The following EYS variants were observed in gnomAD, a reference collection of about 807,000 sequenced individuals.
EYS encodes the protein EGF-like photoreceptor maintenance factor, also known as protein eyes shut homolog.
In EYS, 250 loss-of-function variants were observed where a neutral mutation model predicts 282.1. The ratio of observed to expected loss-of-function variants is 0.89; its 90% CI spans 0.80 to 0.98. The LOEUF is 0.98. EYS is among the 50% of genes least tolerant of loss of function. EYS has a pLI of 0.00. For synonymous variants in EYS, 1,355 were observed against 1,282.9 expected, an observed-to-expected ratio of 1.06 and a Z score of -1.20; for missense variants, 4,016 against 3,709.0, an observed-to-expected ratio of 1.08 and a Z score of -2.15.
intron 12 of EYS, among the ~76,000 whole-genome samples, chr6:65,215,940 A>G (rs1384431680): frequency 6.6e-6 from 1 of 152,212 alleles, no homozygotes; most frequent in Non-Finnish European, 1.5e-5. Flanking sequence ...CTGTGGACTT[A>G]ACAGAATATA....
At chr6:64,070,637 T>C (rs1771540217) in intron 32 of EYS, among the ~76,000 whole-genome samples, 1 of 152,070 alleles carries the variant, frequency 6.6e-6, no homozygotes, top group Admixed American at 6.6e-5. Context: ...GCAACTTGTC[T>C]CAAGGCAACT....
At chr6:64,351,371 T>C (rs1561945923) in intron 29 of EYS, among the ~76,000 whole-genome samples, 1 of 151,416 alleles carries the variant, frequency 6.6e-6, no homozygotes, top group Admixed American at 6.6e-5. Flanking sequence ...TATTCAGAGA[T>C]TCTAGAATTT....
At chr6:65,117,490 G>A (rs1561974690) in intron 12 of EYS, among the ~76,000 whole-genome samples, 1 of 152,036 alleles carries the variant, frequency 6.6e-6, no homozygotes, top group Non-Finnish European at 1.5e-5. Context: ...TTTACAGACT[G>A]CTTCACATTA....
At chr6:64,389,967 C>G (rs1228244152) in intron 28 of EYS, among the ~76,000 whole-genome samples, 2 of 150,740 alleles carry the variant, frequency 1.3e-5, no homozygotes, top group Non-Finnish European at 3.0e-5. Context: ...TTGGGAAGTG[C>G]AAGGGGTCAG....
chr6:65,177,663 G>T (rs1765259861), intron 12 of EYS, among the ~76,000 whole-genome samples: 1 of 151,746 alleles, frequency 6.6e-6, no homozygotes, highest in South Asian at 2.1e-4. Context: ...TGCATTCAGA[G>T]ATGGCTTTAA....
At chr6:64,832,458 T>C (rs922760071) in intron 19 of EYS, among the ~76,000 whole-genome samples, 8 of 151,912 alleles carry the variant, frequency 5.3e-5, no homozygotes, top group African/African-American at 1.9e-4. Flanking sequence ...AGAAAATGCG[T>C]AGTTGTTCAA....
At chr6:63,908,689 T>A (rs1773844283) in intron 35 of EYS, among the ~76,000 whole-genome samples, 1 of 152,120 alleles carries the variant, frequency 6.6e-6, no homozygotes, top group Non-Finnish European at 1.5e-5. Flanking sequence ...GACCTCAGGT[T>A]ATCCGCCCTC....
Position 64,531,551 on chromosome 6 carries a change from TTATTTTATTTTA to T in EYS, c.5644+58660_5644+58671del, listed in dbSNP as rs1285347276. On this transcript the variant is annotated intron_variant, in intron 26 of 42. Coordinates refer to ENST00000503581, the MANE Select transcript of EYS (RefSeq NM_001142800.2). ...GCAAGTGCCCGCCACCACGCCTGGT[TTATTTTATTTTA>T]TTTTATTTTATTTTATTTTATTTTA... 2.6e-4 allele frequency among the ~76,000 whole-genome samples: 6 copies of T among 22,842 alleles called. No individual in the cohort carries two copies. The African/African-American group carries it at 3.1e-3, about 12-fold the overall frequency. 15.0% of individuals were successfully genotyped at this position (22,842 alleles called of 152,430 possible).
At chr6:64,367,203 TA>T (rs1384716874) in intron 29 of EYS, among the ~76,000 whole-genome samples, 3 of 152,074 alleles carry the variant, frequency 2.0e-5, no homozygotes, top group African/African-American at 7.2e-5. Flanking sequence ...ATGAATATAT[TA>T]AGTATGCTTT....
chr6:64,281,400 G>T (rs1468496847), intron 30 of EYS, among the ~76,000 whole-genome samples: 1 of 152,056 alleles, frequency 6.6e-6, no homozygotes, highest in Non-Finnish European at 1.5e-5. Context: ...CATAGTAAAA[G>T]AAATACTTTC....
intron 30 of EYS, among the ~76,000 whole-genome samples, chr6:64,261,841 C>T (rs1767600312): frequency 6.6e-6 from 1 of 151,678 alleles, no homozygotes; most frequent in Non-Finnish European, 1.5e-5. Flanking sequence ...ACCACAACCA[C>T]CACTTCCCAG....
intron 4 of EYS, among the ~76,000 whole-genome samples, chr6:65,493,312 C>A (rs1302651088): frequency 6.6e-6 from 1 of 152,206 alleles, no homozygotes; most frequent in Non-Finnish European, 1.5e-5. Flanking sequence ...GCCTGCCTAA[C>A]AAAATTACAG....
At chr6:64,444,811 C>A (rs1775066779) in intron 26 of EYS, among the ~76,000 whole-genome samples, 2 of 152,164 alleles carry the variant, frequency 1.3e-5, no homozygotes, top group Non-Finnish European at 2.9e-5. Flanking sequence ...AGTGAGTTCT[C>A]ACTCTGAGTT....
intron 22 of EYS, among the ~76,000 whole-genome samples, chr6:64,657,047 G>T (rs139182324): frequency 6.6e-6 from 1 of 152,248 alleles, no homozygotes; most frequent in African/African-American, 2.4e-5. Flanking sequence ...CCTGTATTGG[G>T]TGCATATATA....
At chr6:64,374,584 C>T (rs1772504721) in intron 29 of EYS, among the ~76,000 whole-genome samples, 1 of 152,172 alleles carries the variant, frequency 6.6e-6, no homozygotes, top group African/African-American at 2.4e-5. Context: ...CAGCTTTGCT[C>T]TTCTCTGCTT....
intron 5 of EYS, among the ~76,000 whole-genome samples, chr6:65,437,748 A>G (rs1448441477): frequency 6.6e-6 from 1 of 152,048 alleles, no homozygotes; most frequent in African/African-American, 2.4e-5. Context: ...AGAGATTTTG[A>G]TATCTCCTTT....
chr6:65,127,066 C>T (rs1775740061), intron 12 of EYS, among the ~76,000 whole-genome samples: 1 of 152,198 alleles, frequency 6.6e-6, no homozygotes. Context: ...ACAATGAAAA[C>T]TGTTTCAAAA....
At position 63,957,251 on chromosome 6, in the gene EYS, T is replaced by TA. The variant is rs1562116414; in HGVS notation, c.7055+27131dup. Among the ~76,000 whole-genome samples, 3 of 140,148 alleles carry TA rather than the reference T, an allele frequency of 2.1e-5. 1 individual carries two copies. Among genetic ancestry groups the TA allele is most frequent in the South Asian group, 4.6e-4 (2 of 4,338 alleles). 91.9% of individuals were successfully genotyped at this position (140,148 alleles called of 152,430 possible). ...AATTACCAACAAAAAACAGAAAATG[T>TA]AAAAAAATGTGGCTTCACTGAACAG... is the stretch of plus-strand genomic sequence containing the variant. On this transcript the variant is annotated intron_variant, in intron 35 of 42. Coordinates refer to ENST00000503581, the MANE Select transcript of EYS (RefSeq NM_001142800.2).
chr6:64,744,641 C>A (rs752364039), intron 22 of EYS, among the ~76,000 whole-genome samples: 2 of 151,932 alleles, frequency 1.3e-5, no homozygotes, highest in Non-Finnish European at 2.9e-5. Flanking sequence ...TGTATGTGTA[C>A]CAAAATGCAT....
Sources: allele counts gnomAD v4.1 joint callset (sites outside exome capture counted in the v4.1 genomes callset), GRCh38; gene constraint gnomAD v4.1.1; transcripts MANE v1.5; gene names NCBI Gene and HGNC (gene_info 2026-07-23, HGNC 2026-07-21).